PDE7B: variants seen among roughly 807,000 people sequenced by gnomAD.
PDE7B encodes phosphodiesterase 7B.
PDE7B carries 29 observed loss-of-function variants against 56.2 expected under a neutral mutation model. The ratio of observed to expected loss-of-function variants is 0.52; its 90% CI spans 0.38 to 0.70. The LOEUF is 0.70. PDE7B is among the 30% of genes least tolerant of loss of function. The pLI, the probability that PDE7B is intolerant of heterozygous loss-of-function variation, is 0.00. For synonymous variants in PDE7B, 197 were observed against 196.9 expected (o/e 1.00, Z 0.00); for missense variants, 490 against 565.0 (o/e 0.87, Z 1.35).
chr6:136,043,613 T>TAAG (rs1776449376), intron 2 of PDE7B, among the ~76,000 whole-genome samples: 1 of 142,222 alleles, frequency 7.0e-6, no homozygotes. Context: ...GAATAGAACC[T>TAAG]AAGTTCCACC....
intron 2 of PDE7B, among the ~76,000 whole-genome samples, chr6:136,031,559 G>A (rs1159691655): frequency 6.6e-6 from 1 of 151,746 alleles, no homozygotes; most frequent in Non-Finnish European, 1.5e-5. Context: ...CTAAAACGGT[G>A]AAACCCCGTC....
intron 1 of PDE7B, among the ~76,000 whole-genome samples, chr6:135,930,783 T>C (rs113643907): frequency 1.8e-3 from 274 of 152,328 alleles, no homozygotes; most frequent in African/African-American, 5.9e-3. Context: ...CCGTATATCT[T>C]AATGGTACAT....
intron 2 of PDE7B, among the ~76,000 whole-genome samples, chr6:135,980,150 A>G (rs1455803865): frequency 1.3e-5 from 2 of 152,302 alleles, no homozygotes; most frequent in East Asian, 1.9e-4. Flanking sequence ...ATCTACAACT[A>G]TCTGATCTTT....
At chr6:136,154,417 A>C (rs951037216) in intron 7 of PDE7B, among the ~76,000 whole-genome samples, 4 of 36,920 alleles carry the variant, frequency 1.1e-4, no homozygotes, top group East Asian at 4.3e-4. Flanking sequence ...GTATTTGGAC[A>C]AAAAAAAAAA....
rs142050699 is a variant in PDE7B at position 136,032,827 on chromosome 6, T to C, written c.83-75904T>C. On this transcript the variant is annotated intron_variant, in intron 2 of 12. Coordinates refer to ENST00000308191, the MANE Select transcript of PDE7B (RefSeq NM_018945.4). ...AAAATAACTGACATTCTAGTCTTAT[T>C]TAATCCTTTCAAGATCCCAGTGTGA... Among the ~76,000 whole-genome samples the C allele has an allele frequency of 6.6e-3, 1,003 of 152,354 alleles. 19 individuals carry two copies. Among genetic ancestry groups the C allele is most frequent in the African/African-American group, 0.022 (907 of 41,584 alleles).
At chr6:135,980,691 C>T (rs1383984044) in intron 2 of PDE7B, among the ~76,000 whole-genome samples, 2 of 150,920 alleles carry the variant, frequency 1.3e-5, no homozygotes, top group Admixed American at 1.3e-4. Flanking sequence ...AAATGCTCAC[C>T]ATCACTGGCC....
At position 136,139,485 on chromosome 6, in the gene PDE7B, G is replaced by A. The variant is rs543277418; in HGVS notation, c.167-7866G>A. Among the ~76,000 whole-genome samples the A allele has an allele frequency of 3.6e-3, 555 of 152,174 alleles. 6 individuals are homozygous for A. Among genetic ancestry groups the A allele is most frequent in the African/African-American group, 7.0e-3 (291 of 41,534 alleles). On this transcript the variant is annotated intron_variant, in intron 3 of 12. Transcript: ENST00000308191. ...TTTATAATCCTTTGGGTATATACCC[G>A]GTAATGGGATGGCTGGGTCAAATGG...
intron 1 of PDE7B, among the ~76,000 whole-genome samples, chr6:135,870,440 G>C (rs1775354889): frequency 6.6e-6 from 1 of 151,894 alleles, no homozygotes; most frequent in Non-Finnish European, 1.5e-5. Flanking sequence ...TTAAATGTGT[G>C]TGTGTGTGTG....
intron 1 of PDE7B, among the ~76,000 whole-genome samples, chr6:135,867,070 A>G (rs921959303): frequency 3.9e-5 from 6 of 152,188 alleles, no homozygotes; most frequent in Admixed American, 2.0e-4. Flanking sequence ...GTTACAGCTA[A>G]TAAATGTAAA....
chr6:135,974,586 T>C (rs952282833), intron 2 of PDE7B, among the ~76,000 whole-genome samples: 8 of 152,236 alleles, frequency 5.3e-5, no homozygotes, highest in African/African-American at 1.9e-4. Flanking sequence ...AAGTAGTTAG[T>C]GTTGCATGTG....
At chr6:135,924,694 G>T (rs1774153584) in intron 1 of PDE7B, among the ~76,000 whole-genome samples, 2 of 134,644 alleles carry the variant, frequency 1.5e-5, no homozygotes, top group African/African-American at 2.9e-5. Context: ...TTTTTGAGTG[G>T]CAGAATCTTA....
intron 2 of PDE7B, among the ~76,000 whole-genome samples, chr6:135,997,017 T>C (rs1049890452): frequency 2.0e-5 from 3 of 152,176 alleles, no homozygotes; most frequent in African/African-American, 7.2e-5. Flanking sequence ...TATCCTTTAA[T>C]AGCCCAGTCC....
chr6:136,185,141 G>A (rs1202460488), intron 11 of PDE7B, among the ~76,000 whole-genome samples: 2 of 152,094 alleles, frequency 1.3e-5, no homozygotes, highest in Non-Finnish European at 2.9e-5. Context: ...GAAGAGTTAG[G>A]GTGGCCAGAC....
Position 135,947,673 on chromosome 6 carries a change from T to A in PDE7B, c.82+149T>A, listed in dbSNP as rs376148427. Reference sequence around the variant, plus strand: ...TGCAGACAGCTATAACACATTTATATGTGTAACACTTGATGATGAGAAAAG... The same window carrying A: ...TGCAGACAGCTATAACACATTTATAAGTGTAACACTTGATGATGAGAAAAG... On this transcript the variant is annotated intron_variant, in intron 2 of 12. Coordinates refer to ENST00000308191, the MANE Select transcript of PDE7B (RefSeq NM_018945.4). 1.9e-4 allele frequency: 120 copies of A among 619,404 alleles called. 1 individual carries two copies. The Middle Eastern group carries it at 2.8e-3, about 14-fold the overall frequency. The allele number at this position is 619,404 out of a possible 1,614,324, so 38.4% of individuals were successfully genotyped here.
At chr6:136,132,797 G>C (rs1214132549) in intron 3 of PDE7B, among the ~76,000 whole-genome samples, 1 of 152,124 alleles carries the variant, frequency 6.6e-6, no homozygotes, top group Non-Finnish European at 1.5e-5. Flanking sequence ...TCTTCTCTCT[G>C]AACTAGTTCA....
chr6:135,994,116 C>CTGTGCGTG (rs1462022857), intron 2 of PDE7B, among the ~76,000 whole-genome samples: 1 of 138,636 alleles, frequency 7.2e-6, no homozygotes, highest in African/African-American at 2.7e-5. Flanking sequence ...TGTATTGGAT[C>CTGTGCGTG]TGTGTGTGTG....
At chr6:136,037,854 A>T in intron 2 of PDE7B, 24 of 985,410 alleles carry the variant, frequency 2.4e-5, no homozygotes, top group Non-Finnish European at 2.9e-5. Context: ...CAGAAGAAAG[A>T]AGAGGAAAAG....
At chr6:135,922,209 A>G (rs1774096341) in intron 1 of PDE7B, among the ~76,000 whole-genome samples, 1 of 152,186 alleles carries the variant, frequency 6.6e-6, no homozygotes, top group African/African-American at 2.4e-5. Context: ...AACTCTGGGT[A>G]AGGTAAGAGA....
chr6:135,950,819 C>T (rs371864861), intron 2 of PDE7B, among the ~76,000 whole-genome samples: 5 of 152,152 alleles, frequency 3.3e-5, no homozygotes, highest in African/African-American at 1.2e-4. Flanking sequence ...GTGTTGTCTA[C>T]CTCACGACTT....
Sources: allele counts gnomAD v4.1 joint callset (sites outside exome capture counted in the v4.1 genomes callset), GRCh38; gene constraint gnomAD v4.1.1; transcripts MANE v1.5; gene names NCBI Gene and HGNC (gene_info 2026-07-23, HGNC 2026-07-21).